CA10: variants seen among roughly 807,000 people sequenced by gnomAD.
The protein encoded by CA10 is carbonic anhydrase-related protein 10.
A neutral mutation model predicts 44.2 loss-of-function variants in CA10; 14 were observed. The observed-to-expected ratio is 0.32, with a 90% confidence interval of 0.21 to 0.50. CA10 has a LOEUF of 0.50. CA10 is among the 20% of genes least tolerant of loss of function. CA10 has a pLI of 0.99. For missense variants in CA10, 350 were observed against 409.7 expected, an observed-to-expected ratio of 0.85 and a Z score of 1.26; for synonymous variants, 159 against 141.6, an observed-to-expected ratio of 1.12 and a Z score of -0.87.
intron 3 of CA10, among the ~76,000 whole-genome samples, chr17:51,775,106 AG>A (rs1199335559): frequency 1.3e-5 from 2 of 152,042 alleles, no homozygotes; most frequent in South Asian, 2.1e-4. Flanking sequence ...ACTCCTCTAA[AG>A]GGGGAGGGGC....
intron 1 of CA10, among the ~76,000 whole-genome samples, chr17:52,152,141 C>T (rs1989717080): frequency 6.6e-6 from 1 of 152,030 alleles, no homozygotes; most frequent in African/African-American, 2.4e-5. Flanking sequence ...CAACTGTCTA[C>T]AATCTCAAAC....
chr17:51,982,420 C>G (rs537456003), intron 2 of CA10, among the ~76,000 whole-genome samples: 1 of 151,876 alleles, frequency 6.6e-6, no homozygotes, highest in Non-Finnish European at 1.5e-5. Flanking sequence ...TATGATGGAG[C>G]CTTTTGTGTC....
chr17:52,008,688 G>T (rs1985685182), intron 2 of CA10, among the ~76,000 whole-genome samples: 1 of 151,824 alleles, frequency 6.6e-6, no homozygotes, highest in African/African-American at 2.4e-5. Flanking sequence ...AGTCTCAAGT[G>T]TCATGTAGAT....
chr17:51,715,166 T>C (rs1442599978), intron 4 of CA10, among the ~76,000 whole-genome samples: 1 of 151,516 alleles, frequency 6.6e-6, no homozygotes, highest in Non-Finnish European at 1.5e-5. Context: ...AATTGAACAA[T>C]GAGAACACAT....
At chr17:51,958,480 GTAAA>G (rs906354432) in intron 2 of CA10, among the ~76,000 whole-genome samples, 1 of 152,068 alleles carries the variant, frequency 6.6e-6, no homozygotes, top group African/African-American at 2.4e-5. Flanking sequence ...TTTTATTAAA[GTAAA>G]TAAATAGCTC....
chr17:51,884,453 G>T (rs1980510372), intron 3 of CA10, among the ~76,000 whole-genome samples: 1 of 152,038 alleles, frequency 6.6e-6, no homozygotes, highest in Non-Finnish European at 1.5e-5. Flanking sequence ...TCTTCTCCCT[G>T]CTTGGGCTAT....
chr17:52,072,261 G>T (rs1391741295), intron 2 of CA10, 58 bp downstream of exon 2: 2 of 1,207,928 alleles, frequency 1.7e-6, no homozygotes, highest in Non-Finnish European at 2.4e-6. Context: ...TGGAAATAAT[G>T]CTAGCCTTCA....
rs528176092 is a variant in CA10, at chr17:51,775,959, G to A, written c.280-28141C>T. On this transcript the variant is annotated intron_variant, in intron 3 of 8. Coordinates refer to ENST00000451037, the MANE Select transcript of CA10 (RefSeq NM_020178.5). ...GCAGCTGGTAAGGTAGGCCAATTGT[G>A]CAGGATCTTGTGGGTCAGATTGAGA... 3.9e-5 allele frequency among the ~76,000 whole-genome samples: 6 copies of A among 152,302 alleles called. No individual in the cohort carries two copies. The South Asian group carries it at 1.2e-3, about 32-fold the overall frequency.
chr17:51,938,760 A>AC (rs917580395), intron 2 of CA10, among the ~76,000 whole-genome samples: 1 of 151,778 alleles, frequency 6.6e-6, no homozygotes, highest in African/African-American at 2.4e-5. Context: ...TTTGCTGATC[A>AC]CCCCCTGTTT....
chr17:51,712,042 A>G (rs1347173637), intron 4 of CA10, among the ~76,000 whole-genome samples: 4 of 152,192 alleles, frequency 2.6e-5, no homozygotes, highest in Non-Finnish European at 5.9e-5. Flanking sequence ...ATCTTAGGCA[A>G]GACAAAAGTT....
At chr17:52,104,269 C>T (rs1164016565) in intron 1 of CA10, among the ~76,000 whole-genome samples, 2 of 151,766 alleles carry the variant, frequency 1.3e-5, no homozygotes, top group African/African-American at 4.8e-5. Context: ...ACAATCTCTG[C>T]TCACTGCAAC....
intron 2 of CA10, among the ~76,000 whole-genome samples, chr17:52,033,368 C>A (rs776514649): frequency 6.6e-6 from 1 of 152,028 alleles, no homozygotes; most frequent in Non-Finnish European, 1.5e-5. Context: ...AGAATATCAC[C>A]GAAGTGTCTA....
chr17:51,871,318 G>A (rs1252800612), intron 3 of CA10, among the ~76,000 whole-genome samples: 2 of 150,248 alleles, frequency 1.3e-5, no homozygotes, highest in African/African-American at 4.9e-5. Context: ...TGCAACCTTC[G>A]CCTCCCAGGT....
intron 1 of CA10, among the ~76,000 whole-genome samples, chr17:52,150,430 AG>A (rs1989678413): frequency 6.6e-6 from 1 of 152,186 alleles, no homozygotes; most frequent in Admixed American, 6.6e-5. Flanking sequence ...TTGGAGGAAA[AG>A]GTCACTGTCT....
intron 1 of CA10, among the ~76,000 whole-genome samples, chr17:52,075,906 C>A (rs1007830221): frequency 1.3e-5 from 2 of 152,226 alleles, no homozygotes; most frequent in Admixed American, 1.3e-4. Context: ...CATTTGCCAC[C>A]CCATTACCCC....
intron 3 of CA10, among the ~76,000 whole-genome samples, chr17:51,827,899 C>G (rs1386403932): frequency 1.3e-5 from 2 of 152,186 alleles, no homozygotes; most frequent in African/African-American, 4.8e-5. Flanking sequence ...CACCTTCAAG[C>G]CTGGCCCATA....
At chr17:52,147,522 T>A (rs1360018330) in intron 1 of CA10, among the ~76,000 whole-genome samples, 6 of 148,388 alleles carry the variant, frequency 4.0e-5, no homozygotes, top group Non-Finnish European at 7.4e-5. Flanking sequence ...CACTAACTTA[T>A]ACACTTAAAA....
chr17:51,909,402 A>G (rs1462239247), intron 3 of CA10, among the ~76,000 whole-genome samples: 3 of 152,162 alleles, frequency 2.0e-5, no homozygotes, highest in Admixed American at 6.5e-5. Context: ...ACTGAAAGCC[A>G]CACAAGTCAG....
At chr17:51,712,300 C>A (rs1271982007) in intron 4 of CA10, among the ~76,000 whole-genome samples, 2 of 152,138 alleles carry the variant, frequency 1.3e-5, no homozygotes, top group African/African-American at 4.8e-5. Flanking sequence ...ATGGGTTGAG[C>A]CCTTGTGTAG....
Sources: allele counts gnomAD v4.1 joint callset (sites outside exome capture counted in the v4.1 genomes callset), GRCh38; gene constraint gnomAD v4.1.1; transcripts MANE v1.5; gene names NCBI Gene and HGNC (gene_info 2026-07-23, HGNC 2026-07-21).